The following GCNT1 variants were observed in gnomAD, a reference collection of about 807,000 sequenced individuals.
The protein encoded by GCNT1 is glucosaminyl (N-acetyl) transferase 1.
In GCNT1, 16 loss-of-function variants were observed where a neutral mutation model predicts 26.2. The ratio of observed to expected loss-of-function variants is 0.61; its 90% CI spans 0.41 to 0.93. GCNT1 has a LOEUF of 0.93. GCNT1 is among the 40% of genes least tolerant of loss of function. The pLI, the probability that GCNT1 is intolerant of heterozygous loss-of-function variation, is 0.00. For synonymous variants in GCNT1, 183 were observed against 190.8 expected (o/e 0.96, Z 0.34); for missense variants, 477 against 526.7 (o/e 0.91, Z 0.92).
chr9:76,497,950 C>G (rs534269961), intron 2 of GCNT1, among the ~76,000 whole-genome samples: 1 of 151,456 alleles, frequency 6.6e-6, no homozygotes, highest in Non-Finnish European at 1.5e-5. Context: ...ACCTAGAGAA[C>G]TTTCAAAGGA....
intron 1 of GCNT1, among the ~76,000 whole-genome samples, chr9:76,423,639 C>T (rs966250223): frequency 6.6e-6 from 1 of 152,190 alleles, no homozygotes; most frequent in Non-Finnish European, 1.5e-5. Context: ...TGCAAAATGG[C>T]ATGTTTCCTG....
At chr9:76,481,399 AT>A (rs569288833) in intron 2 of GCNT1, among the ~76,000 whole-genome samples, 3 of 143,758 alleles carry the variant, frequency 2.1e-5, no homozygotes, top group East Asian at 2.0e-4. Context: ...AATACATGAG[AT>A]TTTTTTTGTG....
intron 2 of GCNT1, among the ~76,000 whole-genome samples, chr9:76,462,551 A>G (rs1429065538): frequency 1.3e-5 from 2 of 152,234 alleles, no homozygotes; most frequent in Non-Finnish European, 2.9e-5. Context: ...ATGACCCCAA[A>G]TGTCTCCAGA....
At chr9:76,400,954 C>G in the GCNT1 span, among the ~76,000 whole-genome samples, 1 of 152,216 alleles carries the variant, frequency 6.6e-6, no homozygotes, top group South Asian at 2.1e-4. Flanking sequence ...GGCTCTTACA[C>G]CAGTTTCCTG....
At chr9:76,458,780 G>T (rs534628396), upstream of GCNT1, among the ~76,000 whole-genome samples, 9 of 152,060 alleles carry the variant, frequency 5.9e-5, no homozygotes, top group South Asian at 1.7e-3. Context: ...TTAGGGGAGA[G>T]AAAAAAACAC....
At position 76,424,856 on chromosome 9, in the gene GCNT1, G is replaced by A. The variant is rs79643772; in HGVS notation, n.38+4969G>A. Among the ~76,000 whole-genome samples, 1,246 of 152,126 alleles carry A rather than the reference G, an allele frequency of 8.2e-3. 16 individuals carry two copies. The highest frequency in any genetic ancestry group is 0.028 in the African/African-American group (1,162 of 41,512). ...AGAACTTTCAATAAAAAAGGACATC[G>A]AGGCTGGGAGTGGTGGCTCACGCCT... On this transcript the variant is annotated intron_variant and non_coding_transcript_variant, in intron 1 of 3. Coordinates refer to the GCNT1 transcript ENST00000488136.
intron 2 of GCNT1, among the ~76,000 whole-genome samples, chr9:76,479,431 G>A (rs1359191222): frequency 1.3e-4 from 20 of 152,234 alleles, no homozygotes; most frequent in Admixed American, 1.1e-3. Flanking sequence ...CTGAGGAATC[G>A]CCACACTGTC....
intron 2 of GCNT1, among the ~76,000 whole-genome samples, chr9:76,469,026 C>CA (rs1361553381): frequency 6.6e-6 from 1 of 152,132 alleles, no homozygotes; most frequent in African/African-American, 2.4e-5. Flanking sequence ...GGGGCACCTG[C>CA]AGACTATTTT....
At chr9:76,430,303 A>G (rs1361854727) in intron 1 of GCNT1, among the ~76,000 whole-genome samples, 4 of 152,074 alleles carry the variant, frequency 2.6e-5, no homozygotes. Context: ...GATTTAAAAA[A>G]TCTCATTATT....
chr9:76,467,334 A>G (rs1013051954), intron 2 of GCNT1, among the ~76,000 whole-genome samples: 2 of 152,108 alleles, frequency 1.3e-5, no homozygotes, highest in East Asian at 1.9e-4. Flanking sequence ...GAGCCACCTC[A>G]CCCAGCCTCA....
chr9:76,483,539 T>C (rs111914064), intron 2 of GCNT1, among the ~76,000 whole-genome samples: 5 of 152,134 alleles, frequency 3.3e-5, no homozygotes, highest in African/African-American at 9.6e-5. Context: ...CTCAGCCTTC[T>C]GAGTAGCTGG....
rs1823217975 is a variant in GCNT1, at chr9:76,422,975, T to C, written n.38+3088T>C. ...CAATGGTAGACTAATGTAATAAGTA[T>C]TCTGAGCACATTTAAGTTAACCTAG... On this transcript the variant is annotated intron_variant and non_coding_transcript_variant, in intron 1 of 3. Coordinates refer to the GCNT1 transcript ENST00000488136. Among the ~76,000 whole-genome samples, 3 of 152,234 alleles carry C rather than the reference T, an allele frequency of 2.0e-5. 1 individual carries two copies. The South Asian group carries it at 6.2e-4, about 31-fold the overall frequency.
chr9:76,464,539 G>GTTGTT (rs549791043), intron 2 of GCNT1, among the ~76,000 whole-genome samples: 83 of 152,276 alleles, frequency 5.5e-4, no homozygotes, highest in African/African-American at 1.9e-3. Flanking sequence ...TTGATTTGTG[G>GTTGTT]TTGTTTTGTT....
the GCNT1 span, among the ~76,000 whole-genome samples, chr9:76,408,840 A>G: frequency 1.3e-5 from 2 of 152,064 alleles, no homozygotes; most frequent in African/African-American, 4.8e-5. Flanking sequence ...GGAGTGTGCC[A>G]TGACACCCAG....
In GCNT1 at chr9:76,470,208, C is replaced by T. The variant is rs193262082; in HGVS notation, c.-290+10031C>T. Among the ~76,000 whole-genome samples, 1,399 of 152,124 alleles carry T rather than the reference C, an allele frequency of 9.2e-3. 15 individuals carry two copies. The highest frequency in any genetic ancestry group is 0.011 in the Non-Finnish European group (776 of 68,002). On this transcript the variant is annotated intron_variant, in intron 2 of 3. Coordinates refer to ENST00000376730, the MANE Select transcript of GCNT1 (RefSeq NM_001490.5). ...TATATACATATATTTATAAATAAGG[C>T]AGTCTGAAAACTTGCTTGCTGGTGA...
chr9:76,500,537 T>G (rs1825035993), intron 2 of GCNT1, among the ~76,000 whole-genome samples: 1 of 152,194 alleles, frequency 6.6e-6, no homozygotes, highest in Non-Finnish European at 1.5e-5. Flanking sequence ...AGCAACAAAT[T>G]CAGCTTCAGG....
intron 2 of GCNT1, among the ~76,000 whole-genome samples, chr9:76,469,951 C>T (rs1824094058): frequency 1.3e-5 from 2 of 152,086 alleles, no homozygotes; most frequent in African/African-American, 4.8e-5. Context: ...TGGCCTGCCA[C>T]CATCTTGGGA....
the GCNT1 span, chr9:76,394,388 C>T: frequency 4.1e-6 from 2 of 484,466 alleles, no homozygotes; most frequent in Non-Finnish European, 7.2e-6. Flanking sequence ...TGAGGAGCTG[C>T]GTCTCCGCTG....
the GCNT1 span, among the ~76,000 whole-genome samples, chr9:76,395,081 GTCT>G: frequency 6.6e-6 from 1 of 152,120 alleles, no homozygotes; most frequent in Non-Finnish European, 1.5e-5. Context: ...CCTCCAGGCT[GTCT>G]TCTTGACAAT....
Sources: allele counts gnomAD v4.1 joint callset (sites outside exome capture counted in the v4.1 genomes callset), GRCh38; gene constraint gnomAD v4.1.1; transcripts MANE v1.5; gene names NCBI Gene and HGNC (gene_info 2026-07-23, HGNC 2026-07-21).